Variants in GRID2 observed in about 807,000 individuals in gnomAD.
The protein encoded by GRID2 is glutamate ionotropic receptor delta type subunit 2, also known as glutamate receptor ionotropic, delta-2.
A neutral mutation model predicts 114.8 loss-of-function variants in GRID2; 33 were observed. The ratio of observed to expected loss-of-function variants is 0.29; its 90% CI spans 0.22 to 0.38. The LOEUF is 0.38. Among genes scored for constraint, GRID2 ranks in the 10% least tolerant of loss-of-function variants. The pLI is 1.00. For missense variants in GRID2, 1,184 were observed against 1,257.7 expected, an observed-to-expected ratio of 0.94 and a Z score of 0.89; for synonymous variants, 505 against 449.9, an observed-to-expected ratio of 1.12 and a Z score of -1.55.
intron 2 of GRID2, among the ~76,000 whole-genome samples, chr4:92,622,463 G>A (rs1372026892): frequency 2.0e-5 from 3 of 151,672 alleles, no homozygotes; most frequent in African/African-American, 7.2e-5. Context: ...TAAGAGATTT[G>A]GTAATATTTC....
chr4:92,648,523 G>A (rs1731757905), intron 2 of GRID2, among the ~76,000 whole-genome samples: 1 of 149,526 alleles, frequency 6.7e-6, no homozygotes, highest in Non-Finnish European at 1.5e-5. Context: ...TGTTAATGCT[G>A]GGGGTTGAAA....
chr4:92,810,195 C>G (rs768100254), intron 2 of GRID2, among the ~76,000 whole-genome samples: 11 of 150,848 alleles, frequency 7.3e-5, no homozygotes, highest in Non-Finnish European at 1.5e-4. Flanking sequence ...TTTGAAAATT[C>G]ATTCAGTTAC....
At chr4:93,199,444 G>C (rs1357183665) in intron 4 of GRID2, among the ~76,000 whole-genome samples, 4 of 152,136 alleles carry the variant, frequency 2.6e-5, no homozygotes, top group Non-Finnish European at 4.4e-5. Context: ...TGTTGGCTAA[G>C]TCTCAGCGGT....
intron 1 of GRID2, among the ~76,000 whole-genome samples, chr4:93,795,741 A>T (rs1204561131): frequency 6.6e-6 from 1 of 152,228 alleles, no homozygotes; most frequent in African/African-American, 2.4e-5. Flanking sequence ...TTTACACAGG[A>T]ATATGTGTAT....
chr4:93,668,511 G>A (rs1724134940), intron 14 of GRID2, among the ~76,000 whole-genome samples: 1 of 151,934 alleles, frequency 6.6e-6, no homozygotes, highest in African/African-American at 2.4e-5. Context: ...TATACAATGT[G>A]TTAGTCACAT....
intron 2 of GRID2, among the ~76,000 whole-genome samples, chr4:92,919,527 G>T (rs977423039): frequency 6.6e-6 from 1 of 152,166 alleles, no homozygotes; most frequent in African/African-American, 2.4e-5. Context: ...CTTTGAATGT[G>T]TCCCAGAGAT....
intron 13 of GRID2, among the ~76,000 whole-genome samples, chr4:93,545,325 A>G (rs1016509648): frequency 2.6e-5 from 4 of 152,198 alleles, no homozygotes; most frequent in Admixed American, 1.3e-4. Flanking sequence ...AGTACTGTAT[A>G]TGACGTTGTA....
At chr4:93,165,574 T>A (rs1255644356) in intron 4 of GRID2, among the ~76,000 whole-genome samples, 1 of 152,114 alleles carries the variant, frequency 6.6e-6, no homozygotes, top group Admixed American at 6.6e-5. Flanking sequence ...GTGCCTGTTA[T>A]GACTCTTCCA....
intron 2 of GRID2, among the ~76,000 whole-genome samples, chr4:92,932,925 T>A (rs1750358500): frequency 6.6e-6 from 1 of 151,154 alleles, no homozygotes; most frequent in African/African-American, 2.4e-5. Flanking sequence ...TGCTTTTGGG[T>A]AGAAGTGGGA....
chr4:93,794,728 TC>T (rs1295920380), intron 1 of GRID2, among the ~76,000 whole-genome samples: 1 of 152,194 alleles, frequency 6.6e-6, no homozygotes, highest in Non-Finnish European at 1.5e-5. Context: ...GGAACATTAT[TC>T]CCCTCAGAAA....
At chr4:92,858,814 C>T (rs1744341074) in intron 2 of GRID2, among the ~76,000 whole-genome samples, 1 of 152,150 alleles carries the variant, frequency 6.6e-6, no homozygotes, top group Non-Finnish European at 1.5e-5. Context: ...GCCTCAGCCT[C>T]CCAAAGTGCT....
chr4:92,590,123 C>T lies in GRID2; in HGVS notation c.89-8C>T, dbSNP rs774666863. 1 of 1,600,476 alleles carries T rather than the reference C, an allele frequency of 6.2e-7. No individual in the cohort carries two copies. Among genetic ancestry groups the T allele is most frequent in the South Asian group, 1.1e-5 (1 of 90,438 alleles). Reference sequence around the variant, plus strand: ...TATTATTTAATGGCAAAATTCACTTCTTTCTAGGAGCAATTTTTGATGAAT... The same window carrying T: ...TATTATTTAATGGCAAAATTCACTTTTTTCTAGGAGCAATTTTTGATGAAT... On this transcript the variant is annotated splice_region_variant and splice_polypyrimidine_tract_variant and intron_variant, in intron 1 of 15. Transcript: ENST00000282020.
chr4:93,677,109 G>A (rs555410482), intron 14 of GRID2, among the ~76,000 whole-genome samples: 98 of 152,316 alleles, frequency 6.4e-4, no homozygotes, highest in Non-Finnish European at 1.0e-3. Context: ...TTAGGAAATG[G>A]CCCACCAGGA....
chr4:92,757,506 G>A (rs1737782236), intron 2 of GRID2, among the ~76,000 whole-genome samples: 1 of 152,022 alleles, frequency 6.6e-6, no homozygotes, highest in African/African-American at 2.4e-5. Context: ...AAGTTGACAA[G>A]AAATCATATG....
At chr4:93,231,998 G>A (rs547203586) in intron 7 of GRID2, among the ~76,000 whole-genome samples, 39 of 152,224 alleles carry the variant, frequency 2.6e-4, no homozygotes, top group African/African-American at 9.4e-4. Context: ...TATGGAAGGA[G>A]GATATTTCAG....
chr4:92,672,997 A>G (rs1733151845), intron 2 of GRID2, among the ~76,000 whole-genome samples: 2 of 152,114 alleles, frequency 1.3e-5, no homozygotes, highest in Non-Finnish European at 2.9e-5. Flanking sequence ...AGTTTCTGGA[A>G]CCACCAGTTT....
chr4:92,725,195 G>T (rs1736012870), intron 2 of GRID2, among the ~76,000 whole-genome samples: 1 of 152,034 alleles, frequency 6.6e-6, no homozygotes, highest in Non-Finnish European at 1.5e-5. Context: ...TAGCTACTTG[G>T]GAGGCTGAGA....
At chr4:93,764,179 T>C (rs1419005772) in intron 14 of GRID2, among the ~76,000 whole-genome samples, 1 of 152,208 alleles carries the variant, frequency 6.6e-6, no homozygotes, top group Admixed American at 6.5e-5. Context: ...TTGGATTTCT[T>C]TAATTTTAAT....
chr4:93,038,792 A>G (rs1725193648), intron 2 of GRID2, among the ~76,000 whole-genome samples: 1 of 151,834 alleles, frequency 6.6e-6, no homozygotes, highest in Non-Finnish European at 1.5e-5. Context: ...CTCTGTCTCA[A>G]AAGAAAAAAA....
Sources: gnomAD v4.1 joint callset for allele counts (sites outside exome capture counted in the v4.1 genomes callset) on GRCh38, gnomAD v4.1.1 for gene constraint, MANE v1.5 for transcripts, NCBI Gene and HGNC (gene_info 2026-07-23, HGNC 2026-07-21) for gene names.